The following GNB1 variants were observed in gnomAD, a reference collection of about 807,000 sequenced individuals.
GNB1 encodes the protein guanine nucleotide-binding protein G(I)/G(S)/G(T) subunit beta-1.
Under a neutral mutation model 42.9 loss-of-function variants are expected in GNB1, and 2 were observed. The observed-to-expected ratio is 0.05, with a 90% CI of 0.02 to 0.15. The LOEUF (loss-of-function observed/expected upper bound fraction) is 0.15, where lower values mean the gene tolerates loss of function less well. Among genes scored for constraint, GNB1 ranks in the 10% least tolerant of loss-of-function variants. The pLI, the probability that GNB1 is intolerant of heterozygous loss-of-function variation, is 1.00. For synonymous variants in GNB1, 183 were observed against 174.7 expected (o/e 1.05, Z -0.38); for missense variants, 193 against 462.2 (o/e 0.42, Z 5.34).
intron 1 of GNB1, among the ~76,000 whole-genome samples, chr1:1,856,069 C>A (rs943977100): frequency 3.9e-5 from 6 of 152,238 alleles, no homozygotes; most frequent in Non-Finnish European, 7.3e-5. Flanking sequence ...GTGACCCAGG[C>A]TAGAGTGCAG....
chr1:1,795,851 T>C (rs964441935), intron 7 of GNB1, among the ~76,000 whole-genome samples: 1 of 152,188 alleles, frequency 6.6e-6, no homozygotes, highest in Non-Finnish European at 1.5e-5. Flanking sequence ...ATCAGCTTCT[T>C]ACTCCAAGAA....
chr1:1,824,364 T>C (rs989748360), intron 3 of GNB1, among the ~76,000 whole-genome samples: 3 of 152,028 alleles, frequency 2.0e-5, no homozygotes, highest in African/African-American at 4.8e-5. Flanking sequence ...GGCAAGAGAA[T>C]TGCTTGAAAG....
At chr1:1,814,678 T>C (rs1341282831) in intron 5 of GNB1, among the ~76,000 whole-genome samples, 1 of 151,822 alleles carries the variant, frequency 6.6e-6, no homozygotes, top group African/African-American at 2.4e-5. Flanking sequence ...GGCACATGCC[T>C]GTGGCCTATG....
chr1:1,810,223 G>A lies in GNB1; in HGVS notation c.204-3685C>T, dbSNP rs926805586. ...TGGGACTACAGGCACCTGCCACCGC[G>A]CCTGGCTTATTTTTTGTATTTTTAG... On this transcript the variant is annotated intron_variant, in intron 5 of 11. Transcript: ENST00000378609. 4.3e-4 allele frequency among the ~76,000 whole-genome samples: 65 copies of A among 151,900 alleles called. 1 individual carries two copies. The highest frequency in any genetic ancestry group is 3.4e-3 in the Middle Eastern group (1 of 294).
intron 5 of GNB1, among the ~76,000 whole-genome samples, chr1:1,807,978 G>A (rs145103810): frequency 1.1e-3 from 161 of 152,078 alleles, no homozygotes; most frequent in Middle Eastern, 3.4e-3. Context: ...CAAAGTGCTG[G>A]GATTACAGGC....
At chr1:1,848,949 T>C in intron 1 of GNB1, among the ~76,000 whole-genome samples, 1 of 152,246 alleles carries the variant, frequency 6.6e-6, no homozygotes, top group East Asian at 1.9e-4. Context: ...GATAGGCATG[T>C]CTTTGTTATT....
chr1:1,821,218 A>C (rs1310009210), intron 3 of GNB1, among the ~76,000 whole-genome samples: 2 of 152,210 alleles, frequency 1.3e-5, no homozygotes, highest in Non-Finnish European at 2.9e-5. Flanking sequence ...TGCCTCTCGC[A>C]CGAATGGACC....
chr1:1,802,602 C>G (rs1374767365), intron 7 of GNB1, among the ~76,000 whole-genome samples: 2 of 151,880 alleles, frequency 1.3e-5, no homozygotes, highest in Non-Finnish European at 1.5e-5. Context: ...AACCCCGTCT[C>G]TACTAAAAAT....
intron 1 of GNB1, among the ~76,000 whole-genome samples, chr1:1,858,953 G>A (rs970994942): frequency 5.9e-5 from 9 of 151,988 alleles, no homozygotes; most frequent in Middle Eastern, 3.2e-3. Context: ...TTGAGAAGCT[G>A]TACAACCCAT....
rs1270650864 is a variant in GNB1, at chr1:1,786,337, T to C, written c.*726A>G. 2.9e-6 allele frequency: 1 copy of C among 343,070 alleles called. No homozygotes were observed. Among genetic ancestry groups the C allele is most frequent in the African/African-American group, 2.1e-5 (1 of 47,676 alleles). The allele number at this position is 343,070 out of a possible 1,614,324, so 21.3% of individuals were successfully genotyped here. A position where few individuals can be genotyped will look rare whatever the true frequency, so the allele number is the denominator to read the frequency against. On this transcript the variant is annotated 3_prime_UTR_variant, in exon 12 of 12. Coordinates refer to ENST00000378609, the MANE Select transcript of GNB1 (RefSeq NM_002074.5). The stretch of plus-strand genomic sequence containing the variant: ...ATGGTGCTGGATCTGAGCTCACTTT[T>C]CAGCAAAGGTGAAGGATTCTCTGAT...
chr1:1,880,899 G>A (rs1242096495), intron 1 of GNB1, among the ~76,000 whole-genome samples: 1 of 138,600 alleles, frequency 7.2e-6, no homozygotes, highest in Admixed American at 7.9e-5. Flanking sequence ...TAGAAGAAGT[G>A]GGAAGAGCAT....
In GNB1 at chr1:1,815,848, G is replaced by C. The variant is rs754777749; in HGVS notation, c.111C>G (p.Ile37Met). The change falls in exon 5 of 12, where the codon ATC becomes ATG. Residue 37 changes from isoleucine (I) to methionine (M), a missense_variant. Physicochemically the swap from Ile to Met is conservative, Grantham distance 10. Transcript: ENST00000378609. The stretch of plus-strand genomic sequence containing the variant: ...GCATTTGGATTCTTCCCACTGGGTC[G>C]ATGTTGTTTGTGATCTTGAAAATAA... ...DATLSQITNN[I>M]DPVGRIQMRT... 117 of 1,595,438 alleles carry C rather than the reference G, an allele frequency of 7.3e-5. No individual in the cohort carries two copies. The highest frequency in any genetic ancestry group is 1.4e-5 in the Non-Finnish European group (16 of 1,163,068).
At chr1:1,882,425 TCAAAAAA>T (rs1649898836) in intron 1 of GNB1, among the ~76,000 whole-genome samples, 1 of 16,536 alleles carries the variant, frequency 6.0e-5, no homozygotes. Context: ...AGACTCCAAC[TCAAAAAA>T]AAAAAAAAAA....
chr1:1,853,742 A>C (rs1320561363), intron 1 of GNB1, among the ~76,000 whole-genome samples: 1 of 152,200 alleles, frequency 6.6e-6, no homozygotes, highest in Middle Eastern at 3.2e-3. Flanking sequence ...AGTGCTCTAT[A>C]AACCTCAGCT....
chr1:1,798,553 T>C (rs1646577857), intron 7 of GNB1, among the ~76,000 whole-genome samples: 1 of 152,252 alleles, frequency 6.6e-6, no homozygotes, highest in Non-Finnish European at 1.5e-5. Context: ...TGTAGCCATC[T>C]TGATCAGAAT....
rs899099308 is a variant in GNB1 at position 1,791,246 on chromosome 1, A to G, written c.498-650T>C. Among the ~76,000 whole-genome samples the G allele has an allele frequency of 7.4e-5, 11 of 148,726 alleles. No homozygotes were observed. In the East Asian group the frequency reaches 1.8e-3, roughly 24 times the overall value. On this transcript the variant is annotated intron_variant, in intron 8 of 11. Transcript: ENST00000378609. Reference sequence around the variant, plus strand: ...GAGTGCAATGGCGCGATCTTGGCTCACCACAACCTCCGCCTCCCGAGTTCA... The same window carrying G: ...GAGTGCAATGGCGCGATCTTGGCTCGCCACAACCTCCGCCTCCCGAGTTCA...
chr1:1,859,730 C>CG (rs1477307000), intron 1 of GNB1, among the ~76,000 whole-genome samples: 7 of 149,680 alleles, frequency 4.7e-5, no homozygotes, highest in African/African-American at 7.4e-5. Context: ...GGAGGCAGGC[C>CG]GGGCGCGGTG....
chr1:1,817,518 TTAGAAA>T (rs1477640802), intron 4 of GNB1, among the ~76,000 whole-genome samples: 2 of 152,200 alleles, frequency 1.3e-5, no homozygotes, highest in East Asian at 1.9e-4. Context: ...AAATTGGATA[TTAGAAA>T]TAGAAGTTCT....
At chr1:1,842,159 G>A (rs375491163) in intron 1 of GNB1, among the ~76,000 whole-genome samples, 9 of 152,276 alleles carry the variant, frequency 5.9e-5, no homozygotes, top group African/African-American at 1.7e-4. Context: ...TGCCAGGCAC[G>A]GTGGCTCACG....
Sources: gnomAD v4.1 joint callset for allele counts (sites outside exome capture counted in the v4.1 genomes callset) on GRCh38, gnomAD v4.1.1 for gene constraint, MANE v1.5 for transcripts, NCBI Gene and HGNC (gene_info 2026-07-23, HGNC 2026-07-21) for gene names.